The following DMD variants were observed in gnomAD, a reference collection of about 807,000 sequenced individuals.
DMD encodes dystrophin.
In DMD, 63 loss-of-function variants were observed where a neutral mutation model predicts 330.1. The ratio of observed to expected loss-of-function variants is 0.19; its 90% CI spans 0.16 to 0.24. DMD has a LOEUF of 0.24. Ranked by LOEUF, DMD falls within the 10% of genes least tolerant of loss-of-function variation. The pLI, the probability that DMD is intolerant of heterozygous loss-of-function variation, is 1.00. For missense variants in DMD, 3,344 were observed against 2,684.1 expected (o/e 1.25, Z -5.43); for synonymous variants, 1,223 against 959.8 (o/e 1.27, Z -5.07).
In DMD at chrX:32,801,843, C is replaced by A. The variant is rs777982780; in HGVS notation, c.649+7650G>T. On this transcript the variant is annotated intron_variant, in intron 7 of 78. Transcript: ENST00000357033. ...TAGATGTGTGGTGTTATTTCTGAGG[C>A]CTCTGTTCTGTTCCATTCGTCTATG... Among the ~76,000 whole-genome samples the A allele has an allele frequency of 5.4e-5, 6 of 110,945 alleles. No homozygotes were observed. The South Asian group carries it at 2.3e-3, about 43-fold the overall frequency.
chrX:32,386,967 A>G (rs961543051), intron 32 of DMD, among the ~76,000 whole-genome samples: 1 of 110,629 alleles, frequency 9.0e-6, no homozygotes, highest in South Asian at 3.8e-4. Flanking sequence ...GTACTTACAT[A>G]TTAGTAACAT....
At chrX:32,640,817 C>A (rs917189644) in intron 11 of DMD, among the ~76,000 whole-genome samples, 1 of 111,194 alleles carries the variant, frequency 9.0e-6, no homozygotes. Flanking sequence ...ACCTATCTCT[C>A]ACCTACATAA....
intron 11 of DMD, among the ~76,000 whole-genome samples, chrX:32,621,531 C>A (rs1214952294): frequency 9.2e-6 from 1 of 108,489 alleles, no homozygotes; most frequent in Non-Finnish European, 1.9e-5. Context: ...ATTATGTTGC[C>A]CAGGCTGGTC....
intron 9 of DMD, among the ~76,000 whole-genome samples, chrX:32,651,898 G>T (rs913200255): frequency 8.9e-6 from 1 of 112,079 alleles, no homozygotes; most frequent in Admixed American, 9.4e-5. Context: ...CATGTGTCAA[G>T]TCCACCATTC....
intron 62 of DMD, among the ~76,000 whole-genome samples, chrX:31,269,743 TCTG>T (rs768268998): frequency 2.7e-5 from 3 of 112,165 alleles, no homozygotes; most frequent in African/African-American, 9.7e-5. Context: ...TAGCCAAAAC[TCTG>T]GTCTTTGAAC....
chrX:31,146,318 C>A lies in DMD; in HGVS notation c.10894G>T (p.Val3632Phe). The A allele has an allele frequency of 8.3e-7, 1 of 1,211,055 alleles. No homozygotes were observed. The highest frequency in any genetic ancestry group is 1.1e-6 in the Non-Finnish European group (1 of 895,101). ...ATGGAGTCCGAAGTTTGACTGCCAA[C>A]CACTCGGAGCAGCATAGGCTGACTG... ...DSSQPMLLRV[V>F]GSQTSDSMGE... Residue 3632 changes from valine (V) to phenylalanine (F), a missense_variant, in exon 76 of 79, where the codon GTT (valine) becomes TTT (phenylalanine). Val to Phe is a conservative substitution (Grantham distance 50). Transcript: ENST00000357033.
At chrX:32,524,734 G>T (rs1202546514) in intron 17 of DMD, among the ~76,000 whole-genome samples, 1 of 112,172 alleles carries the variant, frequency 8.9e-6, no homozygotes, top group Non-Finnish European at 1.9e-5. Context: ...CAAACAACAG[G>T]ATGTGAAATT....
chrX:31,772,477 G>T (rs781377259), intron 51 of DMD, among the ~76,000 whole-genome samples: 1 of 112,062 alleles, frequency 8.9e-6, no homozygotes, highest in East Asian at 2.8e-4. Context: ...CGTACCTCTT[G>T]TTTCTGTATG....
At chrX:33,087,771 G>A (rs1023729703) in intron 1 of DMD, among the ~76,000 whole-genome samples, 4 of 111,708 alleles carry the variant, frequency 3.6e-5, no homozygotes, top group Non-Finnish European at 7.5e-5. Context: ...GGTGACAAAG[G>A]AAGTACTCAA....
chrX:32,649,645 C>T (rs1418105119), intron 9 of DMD, among the ~76,000 whole-genome samples: 1 of 106,844 alleles, frequency 9.4e-6, no homozygotes, highest in Non-Finnish European at 1.9e-5. Flanking sequence ...TGTTTTAGTC[C>T]AGCAATGTCT....
rs756136977 is a variant in DMD at position 31,848,757 on chromosome X, T to C, written c.7099-11938A>G. Among the ~76,000 whole-genome samples, 4 of 110,614 alleles carry C rather than the reference T, an allele frequency of 3.6e-5. No individual in the cohort carries two copies. In the Admixed American group the frequency reaches 3.9e-4, roughly 11 times the overall value. On this transcript the variant is annotated intron_variant, in intron 48 of 78. Transcript: ENST00000357033. ...GGTCTCTTCTGAAATCCAGCCCTGA[T>C]AGGTTTTTGAAATGGAGTAACTCTA...
chrX:32,425,432 T>C (rs935492012), intron 29 of DMD, among the ~76,000 whole-genome samples: 8 of 111,604 alleles, frequency 7.2e-5, no homozygotes, highest in African/African-American at 2.6e-4. Flanking sequence ...GACTTTGCTC[T>C]TATATATTAT....
At chrX:31,247,020 G>A (rs1262855987) in intron 63 of DMD, among the ~76,000 whole-genome samples, 1 of 111,491 alleles carries the variant, frequency 9.0e-6, no homozygotes, top group Non-Finnish European at 1.9e-5. Context: ...ATCTGTTTAC[G>A]GCATGGTTTA....
intron 63 of DMD, among the ~76,000 whole-genome samples, chrX:31,234,280 C>T (rs1465457319): frequency 1.8e-5 from 2 of 112,465 alleles, no homozygotes; most frequent in African/African-American, 6.5e-5. Context: ...CTGTGGAGTC[C>T]CTCCAATAAG....
At chrX:33,168,365 T>C (rs958553157) in intron 1 of DMD, among the ~76,000 whole-genome samples, 1 of 110,561 alleles carries the variant, frequency 9.0e-6, no homozygotes, top group Non-Finnish European at 1.9e-5. Context: ...TTGACCTGTA[T>C]GGTACTGGGA....
In DMD at chrX:33,124,500, A is replaced by AAAAAAAAAAAC. The variant is rs1569555866; in HGVS notation, c.31+86771_31+86781dup. On this transcript the variant is annotated intron_variant, in intron 1 of 78. Transcript: ENST00000357033. ...TGAAAAAAAAAAAAAAAAAAAAAAAAAAAAAAAAAACCGAAAGAAATAAAA... is the reference window on the plus strand; with the variant it reads ...TGAAAAAAAAAAAAAAAAAAAAAAAAAAAAAAAAAACAAAAAAAAAACCGAAAGAAATAAAA... Among the ~76,000 whole-genome samples the AAAAAAAAAAAC allele has an allele frequency of 1.6e-3, 164 of 104,370 alleles. 1 individual carries two copies. The highest frequency in any genetic ancestry group is 5.7e-3 in the African/African-American group (154 of 27,162). The allele number at this position is 104,370 out of a possible 115,157, so 90.6% of individuals were successfully genotyped here.
chrX:32,640,820 C>A (rs1460029186), intron 11 of DMD, among the ~76,000 whole-genome samples: 5 of 111,184 alleles, frequency 4.5e-5, no homozygotes, highest in African/African-American at 1.6e-4. Flanking sequence ...TATCTCTCAC[C>A]TACATAAAAT....
intron 44 of DMD, among the ~76,000 whole-genome samples, chrX:32,201,472 C>T (rs6631513): frequency 0.16 from 11,041 of 69,977 alleles, 887 homozygotes; most frequent in East Asian, 0.56. Flanking sequence ...TTCAAACACC[C>T]CCCCCCCCCC....
At chrX:32,421,297 T>A (rs1275020487) in intron 29 of DMD, among the ~76,000 whole-genome samples, 1 of 111,546 alleles carries the variant, frequency 9.0e-6, no homozygotes. Context: ...ATTACAAGGT[T>A]TTCTAATATT....
Sources: gnomAD v4.1 joint callset for allele counts (sites outside exome capture counted in the v4.1 genomes callset) on GRCh38, gnomAD v4.1.1 for gene constraint, MANE v1.5 for transcripts, NCBI Gene and HGNC (gene_info 2026-07-23, HGNC 2026-07-21) for gene names.